The following KCNMA1 variants were observed in gnomAD, a reference collection of about 807,000 sequenced individuals.
The protein encoded by KCNMA1 is Calcium-activated potassium channel subunit alpha-1.
A neutral mutation model predicts 140.0 loss-of-function variants in KCNMA1; 29 were observed. That is an observed-to-expected ratio of 0.21 (90% confidence interval 0.15 to 0.28). KCNMA1 has a LOEUF of 0.28. Ranked by LOEUF, KCNMA1 falls within the 10% of genes least tolerant of loss-of-function variation. KCNMA1 has a pLI of 1.00. For missense variants in KCNMA1, 880 were observed against 1,602.2 expected (o/e 0.55, Z 7.70); for synonymous variants, 612 against 611.9 (o/e 1.00, Z 0.00).
At chr10:77,226,101 G>C (rs1350687198) in intron 3 of KCNMA1, among the ~76,000 whole-genome samples, 1 of 152,128 alleles carries the variant, frequency 6.6e-6, no homozygotes, top group Non-Finnish European at 1.5e-5. Flanking sequence ...TTTAGACATG[G>C]TATTTAATCT....
intron 2 of KCNMA1, among the ~76,000 whole-genome samples, chr10:77,326,588 A>C (rs1396525572): frequency 1.3e-5 from 2 of 152,124 alleles, no homozygotes; most frequent in Non-Finnish European, 2.9e-5. Context: ...CAAGACCCAG[A>C]ATGTCAATTC....
intron 19 of KCNMA1, among the ~76,000 whole-genome samples, chr10:76,989,387 C>T (rs554608187): frequency 1.4e-4 from 21 of 152,142 alleles, no homozygotes; most frequent in African/African-American, 4.6e-4. Context: ...GGACCTACCA[C>T]GATGTTGGGT....
In KCNMA1 at chr10:77,438,582, A is replaced by G. The variant is rs574136103; in HGVS notation, c.379-34559T>C. ...CTGTCTCAAAAAAAAAAAAAAACAAAGAAGTACTTCAAATGTATTATCTCA... is the reference window on the plus strand; with the variant it reads ...CTGTCTCAAAAAAAAAAAAAAACAAGGAAGTACTTCAAATGTATTATCTCA... On this transcript the variant is annotated intron_variant, in intron 1 of 27. Transcript: ENST00000286628. 2.0e-5 allele frequency among the ~76,000 whole-genome samples: 3 copies of G among 152,004 alleles called. No homozygotes were observed. The East Asian group carries it at 5.8e-4, about 29-fold the overall frequency.
chr10:77,600,470 C>T (rs1355699576), intron 1 of KCNMA1, among the ~76,000 whole-genome samples: 1 of 152,074 alleles, frequency 6.6e-6, no homozygotes, highest in Non-Finnish European at 1.5e-5. Flanking sequence ...ACACAGAGGC[C>T]GGGCACAGTG....
chr10:77,302,015 A>G (rs1157546259), intron 2 of KCNMA1, among the ~76,000 whole-genome samples: 1 of 151,910 alleles, frequency 6.6e-6, no homozygotes, highest in Non-Finnish European at 1.5e-5. Flanking sequence ...GCTGCCAAAT[A>G]TTAGGGGTGC....
chr10:77,600,394 C>T (rs776544520), intron 1 of KCNMA1, among the ~76,000 whole-genome samples: 16 of 152,170 alleles, frequency 1.1e-4, no homozygotes, highest in African/African-American at 2.2e-4. Flanking sequence ...ACATACACCT[C>T]GTCACTTAGT....
At chr10:77,421,808 T>G (rs776251509) in intron 1 of KCNMA1, among the ~76,000 whole-genome samples, 10 of 152,244 alleles carry the variant, frequency 6.6e-5, no homozygotes, top group Non-Finnish European at 1.3e-4. Flanking sequence ...AGCCACGTCT[T>G]GTTCACAGAT....
At chr10:77,505,068 G>C (rs2045345283) in intron 1 of KCNMA1, among the ~76,000 whole-genome samples, 3 of 152,154 alleles carry the variant, frequency 2.0e-5, no homozygotes, top group Admixed American at 2.0e-4. Flanking sequence ...GAGCACCAGG[G>C]TTAACGGCTG....
At chr10:77,502,983 G>A (rs542531231) in intron 1 of KCNMA1, among the ~76,000 whole-genome samples, 10 of 152,268 alleles carry the variant, frequency 6.6e-5, no homozygotes, top group East Asian at 1.9e-4. Context: ...TGAGTGTGGC[G>A]GCACATGCCT....
At chr10:77,128,033 G>A (rs1199562775) in intron 5 of KCNMA1, among the ~76,000 whole-genome samples, 1 of 151,634 alleles carries the variant, frequency 6.6e-6, no homozygotes, top group East Asian at 1.9e-4. Context: ...CCCCAAATAA[G>A]AGCTCATGGC....
intron 2 of KCNMA1, among the ~76,000 whole-genome samples, chr10:77,277,249 C>G (rs538245611): frequency 1.3e-5 from 2 of 152,172 alleles, no homozygotes; most frequent in African/African-American, 4.8e-5. Context: ...AGGCCAAACT[C>G]TAATGAGAAG....
downstream of KCNMA1, chr10:76,874,846 A>T (rs2032065023): frequency 6.6e-6 from 1 of 152,222 alleles, no homozygotes; most frequent in African/African-American, 2.4e-5. Context: ...TTTCTCAAGG[A>T]GAAAGGTTAT....
At chr10:77,122,591 A>G (rs2097638691) in intron 5 of KCNMA1, among the ~76,000 whole-genome samples, 1 of 152,124 alleles carries the variant, frequency 6.6e-6, no homozygotes. Flanking sequence ...AAATAGAAAC[A>G]CAGTAGAAAT....
downstream of KCNMA1, among the ~76,000 whole-genome samples, chr10:76,881,274 A>ATTAGCAAATTTATC (rs2034566120): frequency 6.6e-6 from 1 of 152,204 alleles, no homozygotes. Context: ...TGAACAAGTT[A>ATTAGCAAATTTATC]TTAGCAAATT....
At chr10:77,130,258 A>C (rs557468822) in intron 5 of KCNMA1, among the ~76,000 whole-genome samples, 1 of 152,314 alleles carries the variant, frequency 6.6e-6, no homozygotes, top group Admixed American at 6.5e-5. Context: ...TTTCACTTTC[A>C]GTACAGTATT....
chr10:77,457,884 T>G (rs548775069), intron 1 of KCNMA1, among the ~76,000 whole-genome samples: 1 of 152,036 alleles, frequency 6.6e-6, no homozygotes, highest in Non-Finnish European at 1.5e-5. Context: ...AAAAAAGTTA[T>G]ATAGGAAAAG....
At chr10:76,916,291 G>T (rs2052869444) in intron 23 of KCNMA1, among the ~76,000 whole-genome samples, 1 of 152,106 alleles carries the variant, frequency 6.6e-6, no homozygotes. Context: ...TTTGCAGTTT[G>T]GGCTTCTTTG....
At chr10:77,030,051 C>A (rs1019469003) in intron 15 of KCNMA1, among the ~76,000 whole-genome samples, 1 of 152,218 alleles carries the variant, frequency 6.6e-6, no homozygotes, top group Admixed American at 6.5e-5. Flanking sequence ...AGGCCTCATG[C>A]TCTCCAGGGA....
At chr10:77,508,804 T>C (rs894355552) in intron 1 of KCNMA1, among the ~76,000 whole-genome samples, 13 of 152,002 alleles carry the variant, frequency 8.6e-5, no homozygotes, top group Non-Finnish European at 1.9e-4. Context: ...CATCTCCCTA[T>C]TCCCTCCACC....
Sources: allele counts gnomAD v4.1 joint callset (sites outside exome capture counted in the v4.1 genomes callset), GRCh38; gene constraint gnomAD v4.1.1; transcripts MANE v1.5; gene names NCBI Gene and HGNC (gene_info 2026-07-23, HGNC 2026-07-21).